Variants in CACNA1A observed in about 807,000 individuals in gnomAD.
The protein encoded by CACNA1A is calcium voltage-gated channel subunit alpha1 A.
In CACNA1A, 57 loss-of-function variants were observed where a neutral mutation model predicts 262.4. The observed-to-expected ratio is 0.22, with a 90% CI of 0.18 to 0.27. The LOEUF (loss-of-function observed/expected upper bound fraction) is 0.27, where lower values mean the gene tolerates loss of function less well. CACNA1A is among the 10% of genes least tolerant of loss of function. The pLI is 1.00. For missense variants in CACNA1A, 2,526 were observed against 3,562.8 expected (o/e 0.71, Z 7.41); for synonymous variants, 1,431 against 1,419.3 (o/e 1.01, Z -0.18).
At chr19:13,321,604 G>A (rs1390043462) in intron 10 of CACNA1A, among the ~76,000 whole-genome samples, 1 of 152,098 alleles carries the variant, frequency 6.6e-6, no homozygotes, top group Non-Finnish European at 1.5e-5. Flanking sequence ...CTACAAACCT[G>A]CCCAGCATGT....
chr19:13,363,500 A>T (rs1271077952), intron 5 of CACNA1A: 1 of 131,498 alleles, frequency 7.6e-6, no homozygotes, highest in African/African-American at 3.5e-5. Flanking sequence ...GAGGAAAAAA[A>T]AAACCAACAA....
chr19:13,275,805 G>A (rs780410781), intron 24 of CACNA1A, 45 bp downstream of exon 24: 1 of 1,307,436 alleles, frequency 7.6e-7, no homozygotes, highest in Non-Finnish European at 1.1e-6. Flanking sequence ...CCAGGCTGGG[G>A]GTTGGGGGAA....
chr19:13,397,625 C>T (rs2059831316), intron 3 of CACNA1A, among the ~76,000 whole-genome samples: 1 of 151,628 alleles, frequency 6.6e-6, no homozygotes, highest in Non-Finnish European at 1.5e-5. Flanking sequence ...TGACATCGAT[C>T]AAAATGTGGA....
chr19:13,500,330 C>G (rs1447866950), intron 1 of CACNA1A, among the ~76,000 whole-genome samples: 1 of 152,120 alleles, frequency 6.6e-6, no homozygotes, highest in Non-Finnish European at 1.5e-5. Flanking sequence ...AGCCTCAGAG[C>G]TTGACTTTTT....
intron 1 of CACNA1A, among the ~76,000 whole-genome samples, chr19:13,482,256 C>T (rs547284938): frequency 1.0e-3 from 154 of 152,064 alleles, no homozygotes; most frequent in Non-Finnish European, 1.6e-3. Context: ...GAGGCTGAGG[C>T]GGGCGGATCA....
chr19:13,426,447 G>A (rs915938628), intron 3 of CACNA1A, among the ~76,000 whole-genome samples: 17 of 152,128 alleles, frequency 1.1e-4, no homozygotes, highest in Admixed American at 4.6e-4. Flanking sequence ...TAGGGTGAGA[G>A]GCCAGGGATG....
At chr19:13,223,006 A>T (rs894307282) in intron 38 of CACNA1A, among the ~76,000 whole-genome samples, 4 of 151,676 alleles carry the variant, frequency 2.6e-5, no homozygotes, top group Non-Finnish European at 4.4e-5. Flanking sequence ...TCTCAGCTTT[A>T]AAAAAAATGT....
rs896790084 is a variant in CACNA1A, at chr19:13,489,003, C to CTTTTTTTTT, written c.293+16920_293+16928dup. ...TATTGTAATTAATTTCTTTTCTTTT[C>CTTTTTTTTT]TTTTTTTTTTTTTTTTTTTTTTTTT... On this transcript the variant is annotated intron_variant, in intron 1 of 46. Coordinates refer to ENST00000360228, the MANE Select transcript of CACNA1A (RefSeq NM_001127222.2). Among the ~76,000 whole-genome samples the CTTTTTTTTT allele has an allele frequency of 2.2e-3, 164 of 75,224 alleles. 20 individuals carry two copies. The highest frequency in any genetic ancestry group is 9.1e-3 in the African/African-American group (125 of 13,790). The allele number at this position is 75,224 out of a possible 152,430, so 49.3% of individuals were successfully genotyped here.
Position 13,214,468 on chromosome 19 carries a change from G to T in CACNA1A, c.5839+33C>A. 1 of 1,580,674 alleles carries T rather than the reference G, an allele frequency of 6.3e-7. No homozygotes were observed. Among genetic ancestry groups the T allele is most frequent in the Non-Finnish European group, 8.7e-7 (1 of 1,151,260 alleles). On this transcript the variant is annotated intron_variant, in intron 39 of 46. Coordinates refer to ENST00000360228, the MANE Select transcript of CACNA1A (RefSeq NM_001127222.2). The surrounding 1 kb of genome is among the most constrained non-coding windows in gnomAD (Gnocchi z 4.1). ...TCCCTCCCCCTCCATCTGTCCTGGTGGATTGGATCCCAGGGCTGGGCTCAG... is the reference window on the plus strand; with the variant it reads ...TCCCTCCCCCTCCATCTGTCCTGGTTGATTGGATCCCAGGGCTGGGCTCAG...
chr19:13,215,812 G>A (rs570510923), intron 38 of CACNA1A, among the ~76,000 whole-genome samples: 65 of 152,180 alleles, frequency 4.3e-4, no homozygotes, highest in Non-Finnish European at 6.6e-4. Flanking sequence ...TCAAAGTAAC[G>A]TGCGTGCAGC....
At chr19:13,221,183 A>G (rs1345912056) in intron 38 of CACNA1A, among the ~76,000 whole-genome samples, 5 of 107,100 alleles carry the variant, frequency 4.7e-5, no homozygotes, top group Non-Finnish European at 7.8e-5. Context: ...CTCCTCTCCC[A>G]CCCACTCCTT....
At chr19:13,413,978 G>A (rs1042130593) in intron 3 of CACNA1A, among the ~76,000 whole-genome samples, 1 of 151,236 alleles carries the variant, frequency 6.6e-6, no homozygotes, top group African/African-American at 2.4e-5. Flanking sequence ...GGAAATAAAA[G>A]AAAAGAAAGG....
At chr19:13,403,353 T>C (rs1342848881) in intron 3 of CACNA1A, among the ~76,000 whole-genome samples, 1 of 151,938 alleles carries the variant, frequency 6.6e-6, no homozygotes, top group Non-Finnish European at 1.5e-5. Flanking sequence ...AAGTGATGAG[T>C]TTAAAAAAAT....
intron 31 of CACNA1A, among the ~76,000 whole-genome samples, chr19:13,240,706 CAT>C (rs1041035085): frequency 8.3e-5 from 12 of 144,324 alleles, no homozygotes; most frequent in Non-Finnish European, 1.3e-4. Context: ...ACTGTGTGTG[CAT>C]AGTGACTGTG....
intron 34 of CACNA1A, among the ~76,000 whole-genome samples, chr19:13,232,815 G>A (rs1369347652): frequency 4.6e-5 from 7 of 151,464 alleles, no homozygotes; most frequent in Admixed American, 4.6e-4. Context: ...TTGGGTGGCT[G>A]AGGCGGGTGG....
chr19:13,245,164 A>C lies in CACNA1A; in HGVS notation c.4950+18T>G, dbSNP rs1182347773. The C allele has an allele frequency of 6.2e-7, 1 of 1,602,390 alleles. No individual in the cohort carries two copies. Among genetic ancestry groups the C allele is most frequent in the South Asian group, 1.1e-5 (1 of 90,896 alleles). On this transcript the variant is annotated intron_variant, in intron 31 of 46. Coordinates refer to ENST00000360228, the MANE Select transcript of CACNA1A (RefSeq NM_001127222.2). The stretch of plus-strand genomic sequence containing the variant: ...TCCAGCCCAGAGTCACCCAGAGAGA[A>C]GCTGGAGGGAGACTTACCCCAAACT...
Position 13,285,200 on chromosome 19 carries a change from T to C in CACNA1A, c.3560A>G (p.Lys1187Arg), listed in dbSNP as rs777251154. 1 of 1,613,960 alleles carries C rather than the reference T, an allele frequency of 6.2e-7. No homozygotes were observed. The highest frequency in any genetic ancestry group is 8.5e-7 in the Non-Finnish European group (1 of 1,179,872). The change falls in exon 21 of 47, where the codon AAA becomes AGA. Residue 1187 changes from lysine to arginine, a missense_variant. Lys to Arg is a conservative substitution (Grantham distance 26). This residue lies in a region of CACNA1A where 765 missense variants were observed against 748.6 expected (regional missense o/e 1.02). Coordinates refer to ENST00000360228, the MANE Select transcript of CACNA1A (RefSeq NM_001127222.2). The stretch of plus-strand genomic sequence containing the variant: ...TGGCAGTGGGTCTGGGTTGGCGTTT[T>C]TGTTCACTGTTGGGACAAGAACCAA... ...PLNHTVVQVNKNANPDPLPKK... is the reference protein window; with the variant it reads ...PLNHTVVQVNRNANPDPLPKK...
intron 3 of CACNA1A, among the ~76,000 whole-genome samples, chr19:13,399,778 G>A (rs977312275): frequency 6.6e-6 from 1 of 152,182 alleles, no homozygotes; most frequent in Non-Finnish European, 1.5e-5. Flanking sequence ...TCATGGTCAT[G>A]TTTCATAAGA....
intron 1 of CACNA1A, among the ~76,000 whole-genome samples, chr19:13,461,472 T>C (rs1181198840): frequency 2.6e-5 from 4 of 152,330 alleles, no homozygotes; most frequent in East Asian, 3.9e-4. Context: ...TCCATGAGCA[T>C]GTTAAGGACA....
Sources: allele counts gnomAD v4.1 joint callset (sites outside exome capture counted in the v4.1 genomes callset), GRCh38; gene constraint gnomAD v4.1.1; regional missense constraint gnomAD v4.1.1; non-coding constraint Gnocchi (gnomAD v3.1); transcripts MANE v1.5; gene names NCBI Gene and HGNC (gene_info 2026-07-23, HGNC 2026-07-21).